Variants in L3MBTL4 observed in about 807,000 individuals in gnomAD.
The protein encoded by L3MBTL4 is L3MBTL histone methyl-lysine binding protein 4.
Under a neutral mutation model 84.5 loss-of-function variants are expected in L3MBTL4, and 70 were observed. The ratio of observed to expected loss-of-function variants is 0.83; its 90% CI spans 0.68 to 1.01. The LOEUF (loss-of-function observed/expected upper bound fraction) is 1.01. Among genes scored for constraint, L3MBTL4 ranks in the 50% least tolerant of loss-of-function variants. The probability of loss-of-function intolerance (pLI) is 0.00; values close to 1 mark genes in which losing one functional copy is unlikely to be tolerated. For missense variants in L3MBTL4, 715 were observed against 754.8 expected (o/e 0.95, Z 0.62); for synonymous variants, 274 against 259.8 (o/e 1.05, Z -0.52).
chr18:6,138,555 TTC>T (rs1241623767), intron 13 of L3MBTL4, among the ~76,000 whole-genome samples: 1 of 152,092 alleles, frequency 6.6e-6, no homozygotes. Context: ...ATTGAAGAAT[TTC>T]TTTTTTTATT....
intron 10 of L3MBTL4, among the ~76,000 whole-genome samples, chr18:6,224,918 A>G (rs1162831631): frequency 2.0e-5 from 3 of 152,086 alleles, no homozygotes; most frequent in Non-Finnish European, 4.4e-5. Context: ...AAACAAATAA[A>G]AAAGGAAATT....
intron 1 of L3MBTL4, among the ~76,000 whole-genome samples, chr18:6,411,069 T>C (rs2055944846): frequency 6.6e-6 from 1 of 152,242 alleles, no homozygotes; most frequent in South Asian, 2.1e-4. Context: ...TAATAAAATA[T>C]GGATAAATTA....
At chr18:6,404,281 C>T (rs1242171842) in intron 1 of L3MBTL4, among the ~76,000 whole-genome samples, 1 of 152,122 alleles carries the variant, frequency 6.6e-6, no homozygotes, top group African/African-American at 2.4e-5. Flanking sequence ...AGTTGGAACC[C>T]CTGATCCACA....
rs148961025 is a variant in L3MBTL4 at position 6,181,131 on chromosome 18, C to T, written c.982-9189G>A. On this transcript the variant is annotated intron_variant, in intron 12 of 18. Transcript: ENST00000317931. The stretch of plus-strand genomic sequence containing the variant: ...CTGGGGAATTACTGGTTTTTGGGTA[C>T]GGACTTTCTGTTTGAGGTGAGGACA... 3.4e-4 allele frequency among the ~76,000 whole-genome samples: 52 copies of T among 150,928 alleles called. 1 individual carries two copies. In the East Asian group the frequency reaches 7.8e-3, roughly 23 times the overall value.
chr18:6,406,344 A>G (rs1244928028), intron 1 of L3MBTL4, among the ~76,000 whole-genome samples: 1 of 152,268 alleles, frequency 6.6e-6, no homozygotes, highest in Non-Finnish European at 1.5e-5. Flanking sequence ...AGAAAGAATC[A>G]ACGGGGACCA....
intron 5 of L3MBTL4, among the ~76,000 whole-genome samples, chr18:6,252,826 C>T (rs1017862005): frequency 3.3e-5 from 5 of 152,194 alleles, no homozygotes; most frequent in African/African-American, 9.6e-5. Flanking sequence ...AAGTAGAAGA[C>T]GTTAAAAAGG....
chr18:6,056,997 T>C (rs1452384174), intron 16 of L3MBTL4, among the ~76,000 whole-genome samples: 1 of 152,122 alleles, frequency 6.6e-6, no homozygotes, highest in Admixed American at 6.5e-5. Flanking sequence ...AGTTATTTGA[T>C]GCCACTGCTA....
chr18:5,997,520 C>T (rs558187133), intron 16 of L3MBTL4, among the ~76,000 whole-genome samples: 2 of 152,338 alleles, frequency 1.3e-5, no homozygotes, highest in East Asian at 3.9e-4. Flanking sequence ...CTACCTTCCT[C>T]TCACATGTAA....
At chr18:6,058,999 G>C (rs1322877264) in intron 16 of L3MBTL4, among the ~76,000 whole-genome samples, 1 of 152,202 alleles carries the variant, frequency 6.6e-6, no homozygotes, top group Non-Finnish European at 1.5e-5. Context: ...TCTCTGGGCT[G>C]TCCACTCTCC....
intron 13 of L3MBTL4, among the ~76,000 whole-genome samples, chr18:6,154,450 G>T (rs1167403383): frequency 6.6e-6 from 1 of 152,092 alleles, no homozygotes; most frequent in African/African-American, 2.4e-5. Context: ...TACAAGTATA[G>T]GTGATCCTAC....
chr18:6,055,172 A>G (rs960234027), intron 16 of L3MBTL4, among the ~76,000 whole-genome samples: 1 of 152,200 alleles, frequency 6.6e-6, no homozygotes. Flanking sequence ...AGTCATCCCA[A>G]CTTCTCTTAT....
intron 10 of L3MBTL4, among the ~76,000 whole-genome samples, chr18:6,224,956 G>C (rs752378773): frequency 6.6e-6 from 1 of 151,564 alleles, no homozygotes; most frequent in Non-Finnish European, 1.5e-5. Flanking sequence ...AAAACATAAA[G>C]TGAGGAAGAT....
chr18:6,166,711 C>T (rs1247988487), intron 13 of L3MBTL4, among the ~76,000 whole-genome samples: 1 of 151,682 alleles, frequency 6.6e-6, no homozygotes, highest in African/African-American at 2.4e-5. Context: ...CACTAAATGC[C>T]CACAAGAGAA....
intron 14 of L3MBTL4, among the ~76,000 whole-genome samples, chr18:6,109,745 C>T (rs1371306924): frequency 6.6e-6 from 1 of 152,194 alleles, no homozygotes; most frequent in African/African-American, 2.4e-5. Flanking sequence ...AGAGTCTCAA[C>T]ATGCAGAGGA....
intron 1 of L3MBTL4, among the ~76,000 whole-genome samples, chr18:6,377,002 C>A (rs181476490): frequency 5.3e-5 from 8 of 152,258 alleles, no homozygotes; most frequent in Admixed American, 3.9e-4. Flanking sequence ...CCAGAAAGTT[C>A]TCTCAACCAA....
chr18:6,137,054 CTTGCT>C (rs2060048320), intron 14 of L3MBTL4, among the ~76,000 whole-genome samples: 1 of 152,192 alleles, frequency 6.6e-6, no homozygotes, highest in East Asian at 1.9e-4. Flanking sequence ...TGCTCAAAAA[CTTGCT>C]TTGGTCTCTC....
intron 16 of L3MBTL4, among the ~76,000 whole-genome samples, chr18:6,034,234 TGC>T (rs2055989819): frequency 6.6e-6 from 1 of 152,146 alleles, no homozygotes. Context: ...GCCATGCTGG[TGC>T]GCTGCACCCA....
At chr18:6,140,026 G>C (rs953744093) in intron 13 of L3MBTL4, among the ~76,000 whole-genome samples, 8 of 152,086 alleles carry the variant, frequency 5.3e-5, no homozygotes, top group Non-Finnish European at 1.0e-4. Flanking sequence ...TCACTTCCTC[G>C]AGCTAGTGGC....
intron 16 of L3MBTL4, among the ~76,000 whole-genome samples, chr18:6,034,428 G>A (rs1469257797): frequency 1.3e-5 from 2 of 152,104 alleles, no homozygotes; most frequent in African/African-American, 4.8e-5. Flanking sequence ...ATAGTTTACT[G>A]AGAATGATGA....
Sources: allele counts gnomAD v4.1 joint callset (sites outside exome capture counted in the v4.1 genomes callset), GRCh38; gene constraint gnomAD v4.1.1; transcripts MANE v1.5; gene names NCBI Gene and HGNC (gene_info 2026-07-23, HGNC 2026-07-21).